Variants in NAALADL2 observed in about 807,000 individuals in gnomAD.
NAALADL2 encodes the protein N-acetylated alpha-linked acidic dipeptidase like 2, also known as inactive N-acetylated-alpha-linked acidic dipeptidase-like protein 2.
Under a neutral mutation model 87.2 loss-of-function variants are expected in NAALADL2, and 76 were observed. The ratio of observed to expected loss-of-function variants is 0.87; its 90% CI spans 0.72 to 1.05. The LOEUF (loss-of-function observed/expected upper bound fraction) is 1.05. Among genes scored for constraint, NAALADL2 ranks in the 50% least tolerant of loss-of-function variants. The probability of loss-of-function intolerance (pLI) is 0.00; values close to 1 mark genes in which losing one functional copy is unlikely to be tolerated. For missense variants in NAALADL2, 1,089 were observed against 945.8 expected (o/e 1.15, Z -1.99); for synonymous variants, 354 against 331.0 (o/e 1.07, Z -0.75).
At chr3:175,019,644 C>T (rs1751314412) in intron 1 of NAALADL2, among the ~76,000 whole-genome samples, 2 of 151,962 alleles carry the variant, frequency 1.3e-5, no homozygotes, top group African/African-American at 2.4e-5. Context: ...ACTTCGTTGA[C>T]CATTTTCAGC....
chr3:174,787,576 CATATATATATATATATATATATATAT>C lies in NAALADL2; in HGVS notation c.-9+49850_-9+49875del, dbSNP rs71300440. Among the ~76,000 whole-genome samples the C allele has an allele frequency of 4.8e-4, 7 of 14,728 alleles. 1 individual carries two copies. The highest frequency in any genetic ancestry group is 7.4e-4 in the Non-Finnish European group (5 of 6,738). The allele number at this position is 14,728 out of a possible 152,430, so 9.7% of individuals were successfully genotyped here. On this transcript the variant is annotated intron_variant, in intron 3 of 3. Transcript: ENST00000434257. Reference sequence around the variant, plus strand: ...TTAATAGAAGAAGGCAATATATCATCATATATATATATATATATATATATATATATATATATATATATATAGTAGTG... The same window carrying C: ...TTAATAGAAGAAGGCAATATATCATCATATATATATATATATATAGTAGTG...
At chr3:174,759,823 C>T (rs1438169092) in intron 3 of NAALADL2, among the ~76,000 whole-genome samples, 1 of 152,000 alleles carries the variant, frequency 6.6e-6, no homozygotes, top group Non-Finnish European at 1.5e-5. Context: ...GCCTCAGCCT[C>T]CCGAGTAGCT....
chr3:175,667,892 C>G (rs1733425444), intron 11 of NAALADL2, among the ~76,000 whole-genome samples: 1 of 151,770 alleles, frequency 6.6e-6, no homozygotes, highest in African/African-American at 2.4e-5. Flanking sequence ...TAAAATCTAC[C>G]CTATTCAAAG....
chr3:175,372,752 G>A (rs1020504206), intron 5 of NAALADL2, among the ~76,000 whole-genome samples: 6 of 152,146 alleles, frequency 3.9e-5, no homozygotes, highest in African/African-American at 1.4e-4. Context: ...AGGAAAAATT[G>A]GGGTAGTATC....
chr3:174,788,939 C>T (rs1378300925), intron 3 of NAALADL2, among the ~76,000 whole-genome samples: 1 of 152,152 alleles, frequency 6.6e-6, no homozygotes. Context: ...TAACCATGCT[C>T]TTGTTGAGCC....
chr3:174,932,293 A>G (rs1453287276), intron 1 of NAALADL2, among the ~76,000 whole-genome samples: 1 of 152,238 alleles, frequency 6.6e-6, no homozygotes, highest in East Asian at 1.9e-4. Context: ...CTCAAGCTGT[A>G]TTATATGTTC....
At chr3:175,686,567 A>C (rs1374499560) in intron 11 of NAALADL2, among the ~76,000 whole-genome samples, 2 of 152,040 alleles carry the variant, frequency 1.3e-5, no homozygotes, top group African/African-American at 4.8e-5. Context: ...AAGAATTAAA[A>C]GTTCAACTTT....
chr3:175,710,990 C>T (rs751220978), intron 11 of NAALADL2, among the ~76,000 whole-genome samples: 5 of 151,836 alleles, frequency 3.3e-5, no homozygotes, highest in Non-Finnish European at 7.4e-5. Context: ...ATAATTCCAT[C>T]CAGATGTTGA....
intron 5 of NAALADL2, among the ~76,000 whole-genome samples, chr3:175,357,115 T>C (rs1438404389): frequency 1.3e-5 from 2 of 152,196 alleles, no homozygotes; most frequent in African/African-American, 4.8e-5. Context: ...TAAACATTTT[T>C]ATATCCTCTC....
At chr3:175,613,454 T>G (rs2149679419) in intron 10 of NAALADL2, among the ~76,000 whole-genome samples, 1 of 152,374 alleles carries the variant, frequency 6.6e-6, no homozygotes, top group African/African-American at 2.4e-5. Context: ...GTAGTGTATT[T>G]TATTCATGTC....
intron 2 of NAALADL2, among the ~76,000 whole-genome samples, chr3:174,567,978 T>C (rs1489451690): frequency 6.6e-6 from 1 of 151,762 alleles, no homozygotes; most frequent in Admixed American, 6.6e-5. Context: ...ATATTATTTC[T>C]ATGTGTTGGA....
At chr3:175,433,891 A>G (rs1157771211) in intron 5 of NAALADL2, among the ~76,000 whole-genome samples, 7 of 151,972 alleles carry the variant, frequency 4.6e-5, no homozygotes, top group Admixed American at 6.6e-5. Flanking sequence ...GACACTTTTC[A>G]ATGATGAAAT....
intron 1 of NAALADL2, among the ~76,000 whole-genome samples, chr3:174,466,705 A>G (rs917448164): frequency 6.6e-6 from 1 of 152,160 alleles, no homozygotes; most frequent in African/African-American, 2.4e-5. Flanking sequence ...AGGAAATGAT[A>G]GTTGTGCTCA....
At chr3:174,687,001 G>A (rs1455729675) in intron 2 of NAALADL2, among the ~76,000 whole-genome samples, 1 of 151,958 alleles carries the variant, frequency 6.6e-6, no homozygotes, top group African/African-American at 2.4e-5. Flanking sequence ...ATCAGGTCAT[G>A]TCACCTTTCT....
At chr3:175,292,897 C>T (rs1755823353) in intron 4 of NAALADL2, among the ~76,000 whole-genome samples, 1 of 151,752 alleles carries the variant, frequency 6.6e-6, no homozygotes, top group South Asian at 2.1e-4. Context: ...ATAAGCCGGG[C>T]TTGGTGGCAG....
intron 1 of NAALADL2, among the ~76,000 whole-genome samples, chr3:174,499,851 G>A (rs1718779415): frequency 6.6e-6 from 1 of 152,128 alleles, no homozygotes; most frequent in South Asian, 2.1e-4. Context: ...TTTTAATCAG[G>A]TAGAGTTAGC....
At chr3:174,732,073 T>G (rs1732753206) in intron 2 of NAALADL2, among the ~76,000 whole-genome samples, 1 of 152,302 alleles carries the variant, frequency 6.6e-6, no homozygotes, top group South Asian at 2.1e-4. Context: ...GACCATAGTT[T>G]GCCTATCTCT....
intron 2 of NAALADL2, among the ~76,000 whole-genome samples, chr3:175,200,564 G>A (rs915915166): frequency 6.6e-6 from 1 of 152,106 alleles, no homozygotes; most frequent in Non-Finnish European, 1.5e-5. Flanking sequence ...ACTTCCTGTA[G>A]CAGTTACTAG....
chr3:174,800,436 G>A (rs1331154912), intron 3 of NAALADL2, among the ~76,000 whole-genome samples: 3 of 152,208 alleles, frequency 2.0e-5, no homozygotes, highest in Admixed American at 6.5e-5. Context: ...GTGCACAGAA[G>A]TCACGAATTG....
Sources: allele counts gnomAD v4.1 joint callset (sites outside exome capture counted in the v4.1 genomes callset), GRCh38; gene constraint gnomAD v4.1.1; transcripts MANE v1.5; gene names NCBI Gene and HGNC (gene_info 2026-07-23, HGNC 2026-07-21).